Variants in MYO3A observed in about 807,000 individuals in gnomAD.
MYO3A encodes myosin-IIIa.
Under a neutral mutation model 192.7 loss-of-function variants are expected in MYO3A, and 180 were observed. The observed-to-expected ratio is 0.93, with a 90% CI of 0.83 to 1.06. The LOEUF (loss-of-function observed/expected upper bound fraction) is 1.06. MYO3A is among the 50% of genes least tolerant of loss of function. The pLI is 0.00. For missense variants in MYO3A, 1,896 were observed against 1,905.0 expected (o/e 1.00, Z 0.09); for synonymous variants, 628 against 645.3 (o/e 0.97, Z 0.41).
At chr10:26,134,730 GT>G (rs1390252252) in intron 20 of MYO3A, among the ~76,000 whole-genome samples, 2 of 152,028 alleles carry the variant, frequency 1.3e-5, no homozygotes, top group African/African-American at 4.8e-5. Context: ...CTGAGTTATG[GT>G]AGCACCCTTA....
intron 31 of MYO3A, among the ~76,000 whole-genome samples, chr10:26,178,050 C>A (rs1435212335): frequency 2.0e-5 from 3 of 152,230 alleles, no homozygotes; most frequent in Non-Finnish European, 4.4e-5. Flanking sequence ...GAGAGACTAG[C>A]AAGTCAGAGC....
At chr10:26,125,654 G>T in intron 19 of MYO3A, 46 bp downstream of exon 19, 1 of 1,482,742 alleles carries the variant, frequency 6.7e-7, no homozygotes, top group Non-Finnish European at 9.4e-7. Context: ...GTCAGGTGAT[G>T]TAAGTCTACT....
chr10:26,132,830 C>T (rs1463108217), intron 20 of MYO3A, among the ~76,000 whole-genome samples: 1 of 152,130 alleles, frequency 6.6e-6, no homozygotes, highest in Non-Finnish European at 1.5e-5. Context: ...ACAATAACTG[C>T]AATTATGGCT....
At chr10:26,182,458 T>C (rs1386048913) in intron 31 of MYO3A, among the ~76,000 whole-genome samples, 1 of 152,238 alleles carries the variant, frequency 6.6e-6, no homozygotes, top group African/African-American at 2.4e-5. Context: ...AACCCTTTTA[T>C]CTATGTGTTA....
intron 4 of MYO3A, among the ~76,000 whole-genome samples, 165 bp downstream of exon 4, chr10:25,955,173 T>G (rs1837463988): frequency 6.6e-6 from 1 of 151,642 alleles, no homozygotes; most frequent in Admixed American, 6.6e-5. Context: ...TTAAGAAACA[T>G]CAAAAAATTG....
At chr10:26,144,242 GA>G (rs950418669) in intron 21 of MYO3A, among the ~76,000 whole-genome samples, 151 of 150,352 alleles carry the variant, frequency 1.0e-3, no homozygotes, top group African/African-American at 3.5e-3. Context: ...TCAGATATCT[GA>G]AAAAAAAATG....
At chr10:26,208,682 C>A (rs1844088075) in intron 34 of MYO3A, among the ~76,000 whole-genome samples, 1 of 152,190 alleles carries the variant, frequency 6.6e-6, no homozygotes, top group Admixed American at 6.5e-5. Context: ...ACTTGACCTT[C>A]CCCGTCAAGT....
chr10:26,032,335 G>A (rs1214701953), intron 10 of MYO3A, among the ~76,000 whole-genome samples: 4 of 152,150 alleles, frequency 2.6e-5, no homozygotes, highest in East Asian at 3.9e-4. Context: ...TAAAAGTACC[G>A]GCCAGGTGCC....
At chr10:26,019,373 C>T (rs938772459) in intron 7 of MYO3A, among the ~76,000 whole-genome samples, 6 of 152,134 alleles carry the variant, frequency 3.9e-5, no homozygotes, top group Admixed American at 3.3e-4. Flanking sequence ...ATTCTCCTGC[C>T]TCAGCCTCCC....
chr10:26,210,358 C>T (rs533929473), intron 34 of MYO3A, among the ~76,000 whole-genome samples: 6 of 152,176 alleles, frequency 3.9e-5, no homozygotes, highest in Non-Finnish European at 1.5e-5. Flanking sequence ...CATTAAATGA[C>T]AGTTCCATCC....
At position 26,053,155 on chromosome 10, in the gene MYO3A, T is replaced by C. The variant is rs552567576; in HGVS notation, c.954-13820T>C. Among the ~76,000 whole-genome samples the C allele has an allele frequency of 1.2e-3, 186 of 152,066 alleles. 2 individuals carry two copies. The highest frequency in any genetic ancestry group is 0.012 in the South Asian group (57 of 4,812). Reference sequence around the variant, plus strand: ...ATAAAACGAAGGCAAAAGGCAAATATTAAAAGTATAAAATTATCTTGAAAC... The same window carrying C: ...ATAAAACGAAGGCAAAAGGCAAATACTAAAAGTATAAAATTATCTTGAAAC... On this transcript the variant is annotated intron_variant, in intron 10 of 34. Coordinates refer to ENST00000642920, the MANE Select transcript of MYO3A (RefSeq NM_017433.5).
chr10:26,081,341 T>TG (rs1297623472), intron 14 of MYO3A, among the ~76,000 whole-genome samples: 1 of 151,768 alleles, frequency 6.6e-6, no homozygotes, highest in Non-Finnish European at 1.5e-5. Flanking sequence ...GTCAGGGAAA[T>TG]GGGGGAAAGC....
intron 11 of MYO3A, among the ~76,000 whole-genome samples, chr10:26,067,536 G>T (rs1834927932): frequency 6.6e-6 from 1 of 152,172 alleles, no homozygotes; most frequent in Non-Finnish European, 1.5e-5. Flanking sequence ...CAGAAACTCT[G>T]GGATACCTCA....
At chr10:26,191,000 T>C (rs921755585) in intron 31 of MYO3A, among the ~76,000 whole-genome samples, 1 of 152,210 alleles carries the variant, frequency 6.6e-6, no homozygotes, top group Non-Finnish European at 1.5e-5. Flanking sequence ...ATTTGTATTA[T>C]GATAGTAATG....
chr10:25,967,493 A>G (rs1328399426), intron 4 of MYO3A, among the ~76,000 whole-genome samples: 3 of 152,210 alleles, frequency 2.0e-5, no homozygotes, highest in Admixed American at 6.5e-5. Flanking sequence ...AAAATTCAAC[A>G]TTTATTATTA....
chr10:25,963,739 C>T (rs557567543), intron 4 of MYO3A, among the ~76,000 whole-genome samples: 1 of 152,254 alleles, frequency 6.6e-6, no homozygotes, highest in South Asian at 2.1e-4. Flanking sequence ...GGTGTACTTG[C>T]AGTAGAACAG....
At chr10:25,939,289 T>TA (rs908753392) in intron 2 of MYO3A, among the ~76,000 whole-genome samples, 9 of 151,738 alleles carry the variant, frequency 5.9e-5, no homozygotes, top group African/African-American at 2.2e-4. Flanking sequence ...TCTCCCTATT[T>TA]AAAAAAAATT....
chr10:26,147,605 A>T (rs1033300481), intron 23 of MYO3A, 46 bp downstream of exon 23: 1 of 1,612,668 alleles, frequency 6.2e-7, no homozygotes, highest in Non-Finnish European at 8.5e-7. Flanking sequence ...GCCCAATCAA[A>T]TAGTTTCTAT....
At chr10:26,115,029 T>C (rs947273348) in intron 17 of MYO3A, among the ~76,000 whole-genome samples, 3 of 152,152 alleles carry the variant, frequency 2.0e-5, no homozygotes, top group African/African-American at 7.2e-5. Context: ...GGCTGAAATA[T>C]GTCAAAGAAA....
Sources: allele counts gnomAD v4.1 joint callset (sites outside exome capture counted in the v4.1 genomes callset), GRCh38; gene constraint gnomAD v4.1.1; transcripts MANE v1.5; gene names NCBI Gene and HGNC (gene_info 2026-07-23, HGNC 2026-07-21).